The following SH3BP5 variants were observed in gnomAD, a reference collection of about 807,000 sequenced individuals.
SH3BP5 encodes the protein SH3 domain binding protein 5, also known as SH3 domain-binding protein 5.
A neutral mutation model predicts 43.3 loss-of-function variants in SH3BP5; 22 were observed. The observed-to-expected ratio is 0.51, with a 90% CI of 0.36 to 0.73. SH3BP5 has a LOEUF of 0.73. Among genes scored for constraint, SH3BP5 ranks in the 30% least tolerant of loss-of-function variants. The pLI is 0.00. For missense variants in SH3BP5, 529 were observed against 586.9 expected (o/e 0.90, Z 1.02); for synonymous variants, 255 against 225.8 (o/e 1.13, Z -1.16).
chr3:15,269,136 C>G (rs1474770791), intron 4 of SH3BP5, among the ~76,000 whole-genome samples: 1 of 152,076 alleles, frequency 6.6e-6, no homozygotes. Flanking sequence ...GTAAAGAACC[C>G]AATATAATGA....
At chr3:15,316,074 G>C (rs1455722328) in intron 2 of SH3BP5, among the ~76,000 whole-genome samples, 2 of 151,964 alleles carry the variant, frequency 1.3e-5, no homozygotes, top group Admixed American at 1.3e-4. Context: ...TGGTTTTCCT[G>C]GTCCAAGATC....
intron 3 of SH3BP5, among the ~76,000 whole-genome samples, chr3:15,303,443 G>A (rs1575329063): frequency 6.6e-6 from 1 of 152,154 alleles, no homozygotes; most frequent in Non-Finnish European, 1.5e-5. Context: ...GGCTGCAGGT[G>A]ACACAAGTGG....
chr3:15,284,621 A>G (rs1697215676), intron 3 of SH3BP5, among the ~76,000 whole-genome samples: 1 of 152,240 alleles, frequency 6.6e-6, no homozygotes, highest in Non-Finnish European at 1.5e-5. Context: ...GGAGCCTCTC[A>G]ATTGGAGAGC....
intron 2 of SH3BP5, among the ~76,000 whole-genome samples, chr3:15,307,766 C>T (rs1697949740): frequency 6.6e-6 from 1 of 152,236 alleles, no homozygotes; most frequent in Admixed American, 6.5e-5. Flanking sequence ...CATGCATGAC[C>T]GCATCCTCAC....
chr3:15,277,826 T>C (rs1026732649), intron 3 of SH3BP5, among the ~76,000 whole-genome samples: 1 of 152,202 alleles, frequency 6.6e-6, no homozygotes, highest in Non-Finnish European at 1.5e-5. Context: ...CCCCAGCACT[T>C]GGCCAAAGCA....
chr3:15,269,674 C>G (rs542957618), intron 4 of SH3BP5, 39 bp downstream of exon 4: 10 of 1,493,568 alleles, frequency 6.7e-6, no homozygotes, highest in Non-Finnish European at 9.0e-6. Flanking sequence ...CGCGCATGCA[C>G]GCGCACACCC....
intron 3 of SH3BP5, among the ~76,000 whole-genome samples, chr3:15,299,480 TAGA>T (rs1166771879): frequency 3.5e-4 from 48 of 136,898 alleles, no homozygotes; most frequent in Non-Finnish European, 6.6e-4. Context: ...GCTCAACAAT[TAGA>T]TTTTTTTTTT....
intron 3 of SH3BP5, among the ~76,000 whole-genome samples, chr3:15,280,525 G>A (rs1697094368): frequency 1.3e-5 from 2 of 152,118 alleles, no homozygotes; most frequent in South Asian, 4.1e-4. Flanking sequence ...AAACTTCAGA[G>A]CCTAACAAAT....
rs149198400 is a variant in SH3BP5, at chr3:15,269,592, T to G, written c.495+121A>C. 2.4e-3 allele frequency: 2,641 copies of G among 1,079,314 alleles called. 10 individuals are homozygous for G. The highest frequency in any genetic ancestry group is 2.8e-3 in the Non-Finnish European group (2,120 of 763,232). 66.9% of individuals were successfully genotyped at this position (1,079,314 alleles called of 1,614,324 possible). On this transcript the variant is annotated intron_variant, in intron 4 of 8. Transcript: ENST00000383791. Reference sequence around the variant, plus strand: ...AAGAGATCATACGGAGATGACAACCTGTGATTTTCAGGGTGTTTTCAGGCA... The same window carrying G: ...AAGAGATCATACGGAGATGACAACCGGTGATTTTCAGGGTGTTTTCAGGCA...
chr3:15,287,921 A>G (rs916132586), intron 3 of SH3BP5, among the ~76,000 whole-genome samples: 1 of 152,234 alleles, frequency 6.6e-6, no homozygotes, highest in African/African-American at 2.4e-5. Flanking sequence ...CACTGGAGAC[A>G]GAAGAAATGT....
intron 5 of SH3BP5, 66 bp from the exon 6 acceptor site, chr3:15,259,869 G>T: frequency 6.9e-7 from 1 of 1,445,542 alleles, no homozygotes; most frequent in Non-Finnish European, 9.7e-7. Context: ...AACTCCACAA[G>T]ATGAACAAGA....
intron 2 of SH3BP5, among the ~76,000 whole-genome samples, chr3:15,319,842 TG>T (rs1698276163): frequency 6.6e-6 from 1 of 152,194 alleles, no homozygotes; most frequent in Admixed American, 6.5e-5. Flanking sequence ...GGCTGACATC[TG>T]ACTGCATAAA....
At chr3:15,273,515 T>G in intron 3 of SH3BP5, 1 of 456,350 alleles carries the variant, frequency 2.2e-6, no homozygotes, top group South Asian at 9.5e-5. Flanking sequence ...TCCTGTACAG[T>G]GACATAGGAT....
rs1193144928 is a variant in SH3BP5 at position 15,259,845 on chromosome 3, C to T, written c.627-42G>A. The stretch of plus-strand genomic sequence containing the variant: ...GGAAAGCCATCAGAGTAATATAATA[C>T]AGTGACCACAGTCAACTCCACAAGA... On this transcript the variant is annotated intron_variant, in intron 5 of 8. Coordinates refer to ENST00000383791, the MANE Select transcript of SH3BP5 (RefSeq NM_004844.5). 5 of 1,574,006 alleles carry T rather than the reference C, an allele frequency of 3.2e-6. No homozygotes were observed. The South Asian group carries it at 5.5e-5, about 17-fold the overall frequency.
intron 3 of SH3BP5, among the ~76,000 whole-genome samples, chr3:15,301,443 C>T (rs1042272319): frequency 3.3e-5 from 5 of 152,120 alleles, no homozygotes; most frequent in Non-Finnish European, 7.3e-5. Flanking sequence ...AGGAGCCAAA[C>T]GAATGAAACT....
chr3:15,308,233 G>C (rs1697964134), intron 2 of SH3BP5, among the ~76,000 whole-genome samples: 1 of 152,196 alleles, frequency 6.6e-6, no homozygotes, highest in Non-Finnish European at 1.5e-5. Flanking sequence ...GAGAAAGAAG[G>C]ATGGATACAG....
rs530000783 is a variant in SH3BP5 at position 15,281,257 on chromosome 3, G to A, written c.331-11380C>T. Reference sequence around the variant, plus strand: ...GCCAGGCTGGTCAAGAGTGAAACACGGTCCCCCAACAAGAACACATTTTGA... The same window carrying A: ...GCCAGGCTGGTCAAGAGTGAAACACAGTCCCCCAACAAGAACACATTTTGA... On this transcript the variant is annotated intron_variant, in intron 3 of 8. Transcript: ENST00000383791. Among the ~76,000 whole-genome samples, 10 of 152,178 alleles carry A rather than the reference G, an allele frequency of 6.6e-5. No homozygotes were observed. In the South Asian group the frequency reaches 1.2e-3, roughly 19 times the overall value.
In SH3BP5 at chr3:15,254,508, C is replaced by T. The variant is rs1022317739; in HGVS notation, c.*1578G>A. On this transcript the variant is annotated 3_prime_UTR_variant, in exon 9 of 9. Coordinates refer to ENST00000383791, the MANE Select transcript of SH3BP5 (RefSeq NM_004844.5). ...TTAAAAGTCTAATGCCCCAGTGTACCCCCCCCAGTTAATTAATTAAATAAT... is the reference window on the plus strand; with the variant it reads ...TTAAAAGTCTAATGCCCCAGTGTACTCCCCCCAGTTAATTAATTAAATAAT... 3.0e-5 allele frequency: 4 copies of T among 132,368 alleles called. No individual in the cohort carries two copies. The highest frequency in any genetic ancestry group is 4.4e-5 in the Non-Finnish European group (3 of 67,788). The allele number at this position is 132,368 out of a possible 1,614,324, so 8.2% of individuals were successfully genotyped here.
At chr3:15,324,602 A>AT (rs5846866) in intron 2 of SH3BP5, among the ~76,000 whole-genome samples, 152,325 of 152,328 alleles carry the variant, frequency 1, 76,161 homozygotes, top group Middle Eastern at 1. Flanking sequence ...CGGTCTATCT[A>AT]TGCTTCAAAC....
Sources: gnomAD v4.1 joint callset for allele counts (sites outside exome capture counted in the v4.1 genomes callset) on GRCh38, gnomAD v4.1.1 for gene constraint, MANE v1.5 for transcripts, NCBI Gene and HGNC (gene_info 2026-07-23, HGNC 2026-07-21) for gene names.